PPARG: variants seen among roughly 807,000 people sequenced by gnomAD.
The protein encoded by PPARG is peroxisome proliferator-activated receptor gamma.
Under a neutral mutation model 39.2 loss-of-function variants are expected in PPARG, and 17 were observed. That is an observed-to-expected ratio of 0.43 (90% CI 0.30 to 0.65). PPARG has a LOEUF of 0.65. PPARG is among the 30% of genes least tolerant of loss of function. PPARG has a pLI of 0.13. For synonymous variants in PPARG, 223 were observed against 215.7 expected, an observed-to-expected ratio of 1.03 and a Z score of -0.30; for missense variants, 406 against 585.9, an observed-to-expected ratio of 0.69 and a Z score of 3.17.
intron 6 of PPARG, among the ~76,000 whole-genome samples, chr3:12,407,559 C>T (rs991740969): frequency 6.6e-6 from 1 of 152,114 alleles, no homozygotes; most frequent in African/African-American, 2.4e-5. Context: ...GAGAAGACAC[C>T]GTCCCAGCCA....
At chr3:12,422,971 C>G (rs2051315635) in intron 7 of PPARG, among the ~76,000 whole-genome samples, 1 of 152,088 alleles carries the variant, frequency 6.6e-6, no homozygotes, top group Admixed American at 6.6e-5. Context: ...CCTTAAGACA[C>G]CATTTTAATC....
intron 4 of PPARG, among the ~76,000 whole-genome samples, chr3:12,382,517 C>T (rs746968251): frequency 1.3e-5 from 2 of 152,130 alleles, no homozygotes; most frequent in Non-Finnish European, 2.9e-5. Context: ...TACAGAACAA[C>T]AGTTAGGAAA....
intron 2 of PPARG, among the ~76,000 whole-genome samples, chr3:12,352,510 T>C (rs1284893836): frequency 2.0e-5 from 3 of 152,204 alleles, no homozygotes; most frequent in Non-Finnish European, 4.4e-5. Flanking sequence ...TTTTGTATTG[T>C]CTCGTATTGA....
chr3:12,336,189 G>A (rs1307966355), intron 2 of PPARG, among the ~76,000 whole-genome samples: 1 of 152,196 alleles, frequency 6.6e-6, no homozygotes, highest in African/African-American at 2.4e-5. Context: ...GAACCAAAAT[G>A]CTGCTGATCT....
intron 1 of PPARG, among the ~76,000 whole-genome samples, chr3:12,296,296 T>C (rs768685289): frequency 1.3e-4 from 19 of 148,260 alleles, no homozygotes; most frequent in Admixed American, 8.1e-4. Context: ...AGAATTAGTC[T>C]AAGGCAGTGG....
At chr3:12,387,256 A>G (rs1041989435) in intron 4 of PPARG, among the ~76,000 whole-genome samples, 5 of 152,162 alleles carry the variant, frequency 3.3e-5, no homozygotes, top group African/African-American at 4.8e-5. Flanking sequence ...TGCTGGGTCA[A>G]ATGGTATTTC....
At chr3:12,302,345 G>A (rs2046948824) in intron 1 of PPARG, among the ~76,000 whole-genome samples, 1 of 152,168 alleles carries the variant, frequency 6.6e-6, no homozygotes, top group African/African-American at 2.4e-5. Flanking sequence ...AGTTGCCAGG[G>A]GCTGAAGAGA....
chr3:12,346,377 T>C (rs2048324964), intron 2 of PPARG, among the ~76,000 whole-genome samples: 3 of 152,192 alleles, frequency 2.0e-5, no homozygotes. Context: ...ATAAATGAAT[T>C]ACAGTCATAT....
At chr3:12,357,129 G>A (rs971158432) in intron 2 of PPARG, among the ~76,000 whole-genome samples, 2 of 152,106 alleles carry the variant, frequency 1.3e-5, no homozygotes, top group Admixed American at 6.6e-5. Flanking sequence ...CAACAGCCTA[G>A]TCTCAACCGG....
chr3:12,415,480 C>T (rs910673852), intron 6 of PPARG, among the ~76,000 whole-genome samples: 4 of 152,046 alleles, frequency 2.6e-5, no homozygotes, highest in African/African-American at 9.7e-5. Context: ...AAAATGTTAC[C>T]CCTTAGTCAG....
At chr3:12,363,207 A>G (rs2048909289) in intron 2 of PPARG, among the ~76,000 whole-genome samples, 1 of 152,216 alleles carries the variant, frequency 6.6e-6, no homozygotes, top group Non-Finnish European at 1.5e-5. Flanking sequence ...GGTGTGAGCC[A>G]CTGTATCTAG....
intron 4 of PPARG, among the ~76,000 whole-genome samples, chr3:12,386,013 T>C (rs528589828): frequency 6.6e-6 from 1 of 152,346 alleles, no homozygotes; most frequent in South Asian, 2.1e-4. Flanking sequence ...AGAATAAATA[T>C]ATACACAAAA....
chr3:12,297,348 T>C (rs1205703423), intron 1 of PPARG, among the ~76,000 whole-genome samples: 1 of 152,150 alleles, frequency 6.6e-6, no homozygotes, highest in Non-Finnish European at 1.5e-5. Flanking sequence ...TATACAAAAG[T>C]GATAATAGTT....
intron 2 of PPARG, among the ~76,000 whole-genome samples, chr3:12,372,803 C>CT (rs1391721826): frequency 6.6e-6 from 1 of 152,100 alleles, no homozygotes; most frequent in African/African-American, 2.4e-5. Context: ...CTACTTCATC[C>CT]TTTGAGTATT....
chr3:12,381,189 T>C (rs2049639295), intron 3 of PPARG, 133 bp from the exon 4 acceptor site: 1 of 926,474 alleles, frequency 1.1e-6, no homozygotes. Context: ...CCAGTGTTTT[T>C]TCATGTTCCA....
intron 4 of PPARG, among the ~76,000 whole-genome samples, chr3:12,384,355 T>G (rs2049796810): frequency 6.6e-6 from 1 of 152,142 alleles, no homozygotes; most frequent in Admixed American, 6.6e-5. Context: ...GGCTGGGGTT[T>G]TTATTCGGCG....
At chr3:12,361,726 C>T (rs1199327339) in intron 2 of PPARG, among the ~76,000 whole-genome samples, 2 of 152,224 alleles carry the variant, frequency 1.3e-5, no homozygotes, top group Non-Finnish European at 2.9e-5. Context: ...GCCTTAAGTA[C>T]TGTAACTTTA....
chr3:12,316,554 A>G (rs1223466109), intron 2 of PPARG, among the ~76,000 whole-genome samples: 4 of 152,082 alleles, frequency 2.6e-5, no homozygotes, highest in Non-Finnish European at 5.9e-5. Flanking sequence ...TTGAATGCAC[A>G]CTTAAAATGG....
At chr3:12,391,085 A>G (rs910316803) in intron 4 of PPARG, among the ~76,000 whole-genome samples, 3 of 152,188 alleles carry the variant, frequency 2.0e-5, no homozygotes, top group African/African-American at 7.2e-5. Flanking sequence ...GTGCTTTCTC[A>G]TTTTATAGTT....
Sources: allele counts gnomAD v4.1 joint callset (sites outside exome capture counted in the v4.1 genomes callset), GRCh38; gene constraint gnomAD v4.1.1; transcripts MANE v1.5; gene names NCBI Gene and HGNC (gene_info 2026-07-23, HGNC 2026-07-21).